Variants in GMPS observed in about 807,000 individuals in gnomAD.
GMPS encodes guanosine monophosphate synthase, also known as GMP synthase [glutamine-hydrolyzing].
In GMPS, 15 loss-of-function variants were observed where a neutral mutation model predicts 77.9. The ratio of observed to expected loss-of-function variants is 0.19; its 90% CI spans 0.13 to 0.30. GMPS has a LOEUF of 0.30. Ranked by LOEUF, GMPS falls within the 10% of genes least tolerant of loss-of-function variation. The pLI, the probability that GMPS is intolerant of heterozygous loss-of-function variation, is 1.00. For synonymous variants in GMPS, 224 were observed against 275.9 expected (o/e 0.81, Z 1.86); for missense variants, 590 against 838.8 (o/e 0.70, Z 3.66).
chr3:155,878,961 A>G (rs1273828987), intron 1 of GMPS, among the ~76,000 whole-genome samples: 1 of 152,108 alleles, frequency 6.6e-6, no homozygotes, highest in African/African-American at 2.4e-5. Context: ...CGAAGGCCAT[A>G]TCCTGAAATT....
chr3:155,919,180 C>T (rs1041668636), intron 9 of GMPS, 53 bp from the exon 10 acceptor site: 1 of 742,670 alleles, frequency 1.3e-6, no homozygotes, highest in African/African-American at 1.8e-5. Flanking sequence ...GCTTTGTTTT[C>T]CATGTCATCT....
chr3:155,875,253 C>T (rs1754014981), intron 1 of GMPS, among the ~76,000 whole-genome samples: 1 of 152,000 alleles, frequency 6.6e-6, no homozygotes, highest in Non-Finnish European at 1.5e-5. Flanking sequence ...GTTTTTGAGA[C>T]AAAGTCTTGC....
rs546328519 is a variant in GMPS at position 155,892,928 on chromosome 3, G to A, written c.28-590G>A. 2.4e-3 allele frequency among the ~76,000 whole-genome samples: 365 copies of A among 152,260 alleles called. 1 individual carries two copies. The highest frequency in any genetic ancestry group is 8.4e-3 in the African/African-American group (351 of 41,556). On this transcript the variant is annotated intron_variant, in intron 1 of 15. Transcript: ENST00000496455. Reference sequence around the variant, plus strand: ...ATTACAGGCGTGAGCCACCGCGCCCGGCCTAAAAGGCCTTTTAAAAATCTT... The same window carrying A: ...ATTACAGGCGTGAGCCACCGCGCCCAGCCTAAAAGGCCTTTTAAAAATCTT...
intron 1 of GMPS, among the ~76,000 whole-genome samples, chr3:155,885,667 A>T (rs990666727): frequency 7.2e-5 from 11 of 152,286 alleles, no homozygotes; most frequent in African/African-American, 2.6e-4. Context: ...ATTTTGGAGT[A>T]TTTGTATTAT....
chr3:155,916,847 A>G (rs1234755451), intron 9 of GMPS, among the ~76,000 whole-genome samples: 1 of 152,204 alleles, frequency 6.6e-6, no homozygotes, highest in African/African-American at 2.4e-5. Context: ...ATTTAAAATG[A>G]TGATACAATT....
chr3:155,924,088 C>T (rs1755392910), intron 11 of GMPS, among the ~76,000 whole-genome samples: 2 of 152,180 alleles, frequency 1.3e-5, no homozygotes, highest in Admixed American at 6.5e-5. Flanking sequence ...CCATGTTGGT[C>T]AGGCTAGTCT....
intron 12 of GMPS, 30 bp downstream of exon 12, chr3:155,925,396 T>A (rs1755427170): frequency 2.0e-6 from 3 of 1,528,660 alleles, no homozygotes; most frequent in Non-Finnish European, 2.6e-6. Context: ...TCACCAGTGA[T>A]ATACTTTTTT....
chr3:155,915,258 G>T (rs1234736803), intron 8 of GMPS, among the ~76,000 whole-genome samples: 1 of 148,342 alleles, frequency 6.7e-6, no homozygotes. Flanking sequence ...TTTTTTGGAG[G>T]CGGAGTTTTG....
intron 12 of GMPS, among the ~76,000 whole-genome samples, chr3:155,930,753 C>A (rs1231388605): frequency 6.6e-6 from 1 of 152,130 alleles, no homozygotes; most frequent in Non-Finnish European, 1.5e-5. Flanking sequence ...TTTTGTCTCC[C>A]ACTTAAGAAT....
At chr3:155,886,302 G>A (rs1241108543) in intron 1 of GMPS, among the ~76,000 whole-genome samples, 1 of 150,498 alleles carries the variant, frequency 6.6e-6, no homozygotes, top group Non-Finnish European at 1.5e-5. Context: ...CTGGCTGAGT[G>A]CGGTAGCTCA....
intron 13 of GMPS, among the ~76,000 whole-genome samples, chr3:155,933,085 G>C (rs35321137): frequency 0.61 from 92,853 of 151,902 alleles, 28,930 homozygotes; most frequent in African/African-American, 0.64. Context: ...CCAGCTACTC[G>C]GGAGGCTGAG....
At chr3:155,891,172 C>A (rs1280108268) in intron 1 of GMPS, among the ~76,000 whole-genome samples, 1 of 152,128 alleles carries the variant, frequency 6.6e-6, no homozygotes, top group Non-Finnish European at 1.5e-5. Context: ...TTGTTGGGGA[C>A]TGGTAATTAA....
chr3:155,929,518 A>G (rs1255301546), intron 12 of GMPS, among the ~76,000 whole-genome samples: 3 of 149,666 alleles, frequency 2.0e-5, no homozygotes, highest in Admixed American at 1.3e-4. Flanking sequence ...GGCCAGGGCA[A>G]TTAGGCAGGA....
chr3:155,915,484 C>A (rs941750331), intron 8 of GMPS, among the ~76,000 whole-genome samples: 1 of 151,994 alleles, frequency 6.6e-6, no homozygotes, highest in Non-Finnish European at 1.5e-5. Flanking sequence ...TCACTGCAAA[C>A]TTTGCCTCCA....
intron 2 of GMPS, among the ~76,000 whole-genome samples, chr3:155,894,039 A>C (rs898043826): frequency 6.6e-6 from 1 of 152,220 alleles, no homozygotes; most frequent in African/African-American, 2.4e-5. Context: ...AGAATACTCC[A>C]AAGAGAAGAA....
intron 1 of GMPS, 28 bp downstream of exon 1, chr3:155,870,925 C>A: frequency 6.9e-7 from 1 of 1,453,162 alleles, no homozygotes. Context: ...TGCAGCACCG[C>A]ATCCCGGCGG....
In GMPS at chr3:155,935,003, A is replaced by G; in HGVS notation, c.1764A>G (p.Leu588=). The change falls in exon 14 of 16, where the codon TTA becomes TTG. Residue 588 remains leucine, a synonymous_variant. Transcript: ENST00000496455. ...TGACAACAGGGGTGCTCAGTACTTT[A>G]CGCCAAGCTGATTTTGAGGCCCATA... ...TFLTTGVLST[L]RQADFEAHNI... is the part of the protein sequence containing the mutation. 4 of 1,607,446 alleles carry G rather than the reference A, an allele frequency of 2.5e-6. No homozygotes were observed. Among genetic ancestry groups the G allele is most frequent in the Non-Finnish European group, 3.4e-6 (4 of 1,173,960 alleles).
chr3:155,924,516 A>G (rs1316725814), intron 11 of GMPS, among the ~76,000 whole-genome samples: 1 of 152,178 alleles, frequency 6.6e-6, no homozygotes, highest in Non-Finnish European at 1.5e-5. Flanking sequence ...CCTTGTTAAC[A>G]CTTAAGGACA....
intron 12 of GMPS, among the ~76,000 whole-genome samples, chr3:155,927,958 G>T (rs563428817): frequency 2.7e-5 from 4 of 150,448 alleles, no homozygotes; most frequent in African/African-American, 9.8e-5. Flanking sequence ...ATTATTATAG[G>T]CATCCCATCA....
Sources: allele counts gnomAD v4.1 joint callset (sites outside exome capture counted in the v4.1 genomes callset), GRCh38; gene constraint gnomAD v4.1.1; transcripts MANE v1.5; gene names NCBI Gene and HGNC (gene_info 2026-07-23, HGNC 2026-07-21).